The following PTPRM variants were observed in gnomAD, a reference collection of about 807,000 sequenced individuals.
PTPRM encodes protein tyrosine phosphatase receptor type M.
A neutral mutation model predicts 186.7 loss-of-function variants in PTPRM; 47 were observed. The ratio of observed to expected loss-of-function variants is 0.25; its 90% CI spans 0.20 to 0.32. PTPRM has a LOEUF of 0.32. Among genes scored for constraint, PTPRM ranks in the 10% least tolerant of loss-of-function variants. PTPRM has a pLI of 1.00. For synonymous variants in PTPRM, 668 were observed against 674.9 expected (o/e 0.99, Z 0.16); for missense variants, 1,494 against 1,865.0 (o/e 0.80, Z 3.66).
intron 20 of PTPRM, among the ~76,000 whole-genome samples, chr18:8,312,917 G>A (rs2095280304): frequency 6.6e-6 from 1 of 152,226 alleles, no homozygotes; most frequent in African/African-American, 2.4e-5. Context: ...CCCCGTCAAG[G>A]AAGGAAAGTT....
intron 1 of PTPRM, among the ~76,000 whole-genome samples, chr18:7,757,471 A>C (rs2041553351): frequency 6.6e-6 from 1 of 152,162 alleles, no homozygotes; most frequent in South Asian, 2.1e-4. Context: ...TCTGTGTTCC[A>C]CTGTAGAAAT....
At chr18:8,137,512 T>TCCTTC (rs1214725424) in intron 13 of PTPRM, among the ~76,000 whole-genome samples, 1 of 152,184 alleles carries the variant, frequency 6.6e-6, no homozygotes, top group African/African-American at 2.4e-5. Flanking sequence ...CTCCCCAACT[T>TCCTTC]CCTTCCCTTC....
chr18:7,671,443 C>T (rs1038356446), intron 1 of PTPRM, among the ~76,000 whole-genome samples: 7 of 152,156 alleles, frequency 4.6e-5, no homozygotes, highest in African/African-American at 9.7e-5. Context: ...TCTGAGGGGT[C>T]ACAGTCCAGC....
intron 1 of PTPRM, among the ~76,000 whole-genome samples, chr18:7,632,242 A>G (rs1212945931): frequency 6.6e-6 from 1 of 152,206 alleles, no homozygotes; most frequent in East Asian, 1.9e-4. Flanking sequence ...TTTCTGGATC[A>G]ATGGCTGTGC....
chr18:7,617,831 G>T (rs551232606), intron 1 of PTPRM, among the ~76,000 whole-genome samples: 1 of 152,274 alleles, frequency 6.6e-6, no homozygotes, highest in Non-Finnish European at 1.5e-5. Flanking sequence ...CCGCATTGTT[G>T]AATACATTGA....
At chr18:7,684,485 C>T (rs571538502) in intron 1 of PTPRM, among the ~76,000 whole-genome samples, 262 of 152,214 alleles carry the variant, frequency 1.7e-3, no homozygotes, top group Non-Finnish European at 3.3e-3. Context: ...TTTATACCTG[C>T]TGATTAGGAA....
At chr18:8,348,023 CA>C (rs1009234946) in intron 23 of PTPRM, among the ~76,000 whole-genome samples, 5 of 152,218 alleles carry the variant, frequency 3.3e-5, no homozygotes, top group African/African-American at 1.2e-4. Context: ...GGCTGTTTCC[CA>C]TTGTTAATCC....
At chr18:8,215,524 TTTTC>T (rs1225339897) in intron 14 of PTPRM, among the ~76,000 whole-genome samples, 6 of 150,938 alleles carry the variant, frequency 4.0e-5, no homozygotes, top group South Asian at 2.1e-4. Context: ...TAGTGCTTTT[TTTTC>T]TTTCTTTCTT....
chr18:8,267,391 T>C (rs2094714677), intron 19 of PTPRM, among the ~76,000 whole-genome samples: 1 of 152,104 alleles, frequency 6.6e-6, no homozygotes, highest in Non-Finnish European at 1.5e-5. Context: ...TGTTTTCTTT[T>C]AAGAGAAAAA....
rs2148243510 is a variant in PTPRM, at chr18:8,049,063, A to G, written c.1133-20623A>G. ...AGTTCTGAAAAACTCTGTGAAAATC[A>G]TTTTGCCTCCTCCTGTTTTATATAG... On this transcript the variant is annotated intron_variant, in intron 7 of 32. Coordinates refer to ENST00000580170, the MANE Select transcript of PTPRM (RefSeq NM_001105244.2). Among the ~76,000 whole-genome samples, 2 of 152,322 alleles carry G rather than the reference A, an allele frequency of 1.3e-5. 1 individual carries two copies. The highest frequency in any genetic ancestry group is 4.1e-4 in the South Asian group (2 of 4,828).
intron 2 of PTPRM, among the ~76,000 whole-genome samples, chr18:7,825,254 A>C (rs570709379): frequency 3.5e-4 from 53 of 152,280 alleles, no homozygotes; most frequent in African/African-American, 1.2e-3. Flanking sequence ...GAGTACTGGA[A>C]CAACTACACC....
At position 8,085,784 on chromosome 18, in the gene PTPRM, G is replaced by A. The variant is rs763912000; in HGVS notation, c.1665G>A (p.Pro555=). The A allele has an allele frequency of 2.5e-5, 40 of 1,613,296 alleles. No homozygotes were observed. Among genetic ancestry groups the A allele is most frequent in the Non-Finnish European group, 3.2e-5 (38 of 1,179,580 alleles). ...ETHFLFFGLY[P]GTTYSFTIRA... ...ATTTTCTGTTTTTTGGACTGTATCC[G>A]GGGACCACATACTCCTTTACCATCC... Residue 555 remains proline (P), a synonymous_variant, in exon 10 of 33, where the codon CCG becomes CCA. Coordinates refer to ENST00000580170, the MANE Select transcript of PTPRM (RefSeq NM_001105244.2).
intron 1 of PTPRM, among the ~76,000 whole-genome samples, chr18:7,753,248 C>T (rs546647694): frequency 4.0e-5 from 6 of 151,668 alleles, no homozygotes; most frequent in Admixed American, 1.3e-4. Flanking sequence ...TATGTGTGTC[C>T]GTATTGTTTT....
chr18:8,325,503 T>C (rs1281643099), intron 22 of PTPRM, among the ~76,000 whole-genome samples: 73 of 152,226 alleles, frequency 4.8e-4, no homozygotes, highest in Admixed American at 4.8e-3. Flanking sequence ...ATCTCATTCT[T>C]TTTTATGGCT....
intron 7 of PTPRM, among the ~76,000 whole-genome samples, chr18:8,020,224 C>T (rs971708909): frequency 6.6e-6 from 1 of 152,028 alleles, no homozygotes; most frequent in East Asian, 1.9e-4. Flanking sequence ...TTTTTTCGTG[C>T]GTGTGGCAGA....
intron 14 of PTPRM, among the ~76,000 whole-genome samples, chr18:8,200,263 C>T (rs975750577): frequency 1.4e-5 from 2 of 147,896 alleles, no homozygotes; most frequent in Admixed American, 6.7e-5. Context: ...TCTATGATCC[C>T]ATCGCTGTGC....
chr18:7,819,635 A>G (rs1317801502), intron 2 of PTPRM, among the ~76,000 whole-genome samples: 1 of 152,162 alleles, frequency 6.6e-6, no homozygotes, highest in Non-Finnish European at 1.5e-5. Context: ...CAAGGCAAGA[A>G]CCCTGGGATA....
chr18:7,828,255 T>A (rs1052811002), intron 2 of PTPRM, among the ~76,000 whole-genome samples: 9 of 151,942 alleles, frequency 5.9e-5, no homozygotes, highest in East Asian at 3.9e-4. Context: ...TTTTATTTTT[T>A]AATTTTATTA....
At chr18:7,577,953 G>C (rs936388946) in intron 1 of PTPRM, among the ~76,000 whole-genome samples, 2 of 152,158 alleles carry the variant, frequency 1.3e-5, no homozygotes, top group African/African-American at 4.8e-5. Context: ...CTTTGTCAGA[G>C]AGGGACAGGA....
Sources: gnomAD v4.1 joint callset for allele counts (sites outside exome capture counted in the v4.1 genomes callset) on GRCh38, gnomAD v4.1.1 for gene constraint, MANE v1.5 for transcripts, NCBI Gene and HGNC (gene_info 2026-07-23, HGNC 2026-07-21) for gene names.